The following ADGRB3 variants were observed in gnomAD, a reference collection of about 807,000 sequenced individuals.
The protein encoded by ADGRB3 is brain-specific angiogenesis inhibitor 3.
Under a neutral mutation model 193.4 loss-of-function variants are expected in ADGRB3, and 37 were observed. The ratio of observed to expected loss-of-function variants is 0.19; its 90% confidence interval spans 0.15 to 0.25. ADGRB3 has a LOEUF of 0.25. ADGRB3 is among the 10% of genes least tolerant of loss of function. The probability of loss-of-function intolerance (pLI) is 1.00; values close to 1 mark genes in which losing one functional copy is unlikely to be tolerated. For missense variants in ADGRB3, 1,637 were observed against 1,852.9 expected (o/e 0.88, Z 2.14); for synonymous variants, 690 against 644.2 (o/e 1.07, Z -1.08).
chr6:68,769,200 A>G (rs1766568829), intron 3 of ADGRB3, among the ~76,000 whole-genome samples: 1 of 152,236 alleles, frequency 6.6e-6, no homozygotes, highest in Non-Finnish European at 1.5e-5. Flanking sequence ...TATGCACCCA[A>G]AGGATGATAA....
At chr6:69,028,919 C>T (rs1276221177) in intron 13 of ADGRB3, among the ~76,000 whole-genome samples, 1 of 152,106 alleles carries the variant, frequency 6.6e-6, no homozygotes, top group African/African-American at 2.4e-5. Flanking sequence ...ATAGCATGCC[C>T]CAAATTAATG....
chr6:68,883,849 G>C (rs907650955), intron 3 of ADGRB3, among the ~76,000 whole-genome samples: 2 of 152,144 alleles, frequency 1.3e-5, no homozygotes, highest in Admixed American at 6.5e-5. Context: ...TCTGGACACA[G>C]AAATACTGAG....
chr6:68,793,287 A>T (rs1166636304), intron 3 of ADGRB3, among the ~76,000 whole-genome samples: 3 of 152,028 alleles, frequency 2.0e-5, no homozygotes, highest in African/African-American at 4.8e-5. Flanking sequence ...TGTTACTGTA[A>T]CTTAACAAAC....
chr6:68,653,045 G>T (rs1768404149), intron 3 of ADGRB3, among the ~76,000 whole-genome samples: 1 of 152,090 alleles, frequency 6.6e-6, no homozygotes, highest in Admixed American at 6.6e-5. Flanking sequence ...TCTGGCTAAT[G>T]AGTTGTGAGC....
intron 31 of ADGRB3, among the ~76,000 whole-genome samples, chr6:69,385,819 A>G (rs1195024520): frequency 6.6e-6 from 1 of 152,034 alleles, no homozygotes; most frequent in East Asian, 1.9e-4. Flanking sequence ...TTACTTGGAC[A>G]ATTGACAATA....
intron 3 of ADGRB3, among the ~76,000 whole-genome samples, chr6:68,696,078 T>G (rs1765152523): frequency 6.6e-6 from 1 of 152,080 alleles, no homozygotes; most frequent in African/African-American, 2.4e-5. Context: ...TCCATTCGTC[T>G]TCTTGCCTGG....
intron 20 of ADGRB3, among the ~76,000 whole-genome samples, chr6:69,317,527 A>G (rs1283464): frequency 0.081 from 12,290 of 151,464 alleles, 581 homozygotes; most frequent in Non-Finnish European, 0.11. Context: ...TCAACCAACC[A>G]TTCTTTTTCA....
chr6:69,254,383 A>G (rs1042837135), intron 20 of ADGRB3, among the ~76,000 whole-genome samples: 4 of 152,180 alleles, frequency 2.6e-5, no homozygotes, highest in Non-Finnish European at 5.9e-5. Flanking sequence ...TAACACAGTA[A>G]TCGCATGAGC....
At chr6:68,795,306 G>T (rs1245122149) in intron 3 of ADGRB3, among the ~76,000 whole-genome samples, 1 of 152,012 alleles carries the variant, frequency 6.6e-6, no homozygotes, top group East Asian at 1.9e-4. Flanking sequence ...AGTTATCTTT[G>T]ATAAACTATA....
Position 69,022,068 on chromosome 6 carries a change from A to G in ADGRB3, c.2107+3569A>G, listed in dbSNP as rs193152647. Among the ~76,000 whole-genome samples, 13 of 152,002 alleles carry G rather than the reference A, an allele frequency of 8.6e-5. No homozygotes were observed. In the East Asian group the frequency reaches 1.5e-3, roughly 18 times the overall value. ...ATTTAGTTTTCATTTTTAAATATGT[A>G]TATGACATCTAAAATAAACACATGA... On this transcript the variant is annotated intron_variant, in intron 13 of 31. Coordinates refer to ENST00000370598, the MANE Select transcript of ADGRB3 (RefSeq NM_001704.3).
chr6:68,803,408 G>T lies in ADGRB3; in HGVS notation c.758-127151G>T, dbSNP rs564835348. On this transcript the variant is annotated intron_variant, in intron 3 of 31. Transcript: ENST00000370598. ...ACCACTGTTACCTATAATTCAACAG[G>T]CTCACTGAAACCAGCCTGTTAACTG... Among the ~76,000 whole-genome samples, 28 of 152,008 alleles carry T rather than the reference G, an allele frequency of 1.8e-4. No individual in the cohort carries two copies. The South Asian group carries it at 5.8e-3, about 32-fold the overall frequency.
At chr6:69,172,501 A>G (rs1775297691) in intron 17 of ADGRB3, among the ~76,000 whole-genome samples, 2 of 151,668 alleles carry the variant, frequency 1.3e-5, no homozygotes, top group Non-Finnish European at 2.9e-5. Flanking sequence ...AAAATTAGCC[A>G]GGCATGGTGG....
chr6:69,235,152 T>G lies in ADGRB3; in HGVS notation c.2711+17T>G. 6.5e-7 allele frequency: 1 copy of G among 1,538,698 alleles called. No individual in the cohort carries two copies. Among genetic ancestry groups the G allele is most frequent in the Non-Finnish European group, 9.0e-7 (1 of 1,114,276 alleles). On this transcript the variant is annotated intron_variant, in intron 19 of 31. Coordinates refer to ENST00000370598, the MANE Select transcript of ADGRB3 (RefSeq NM_001704.3). ...ATTATGGAGGTAAGTAATCAATTGA[T>G]AGACCTGAAATGCAATGCTTAGTTG...
At chr6:68,869,799 C>T (rs1429496007) in intron 3 of ADGRB3, among the ~76,000 whole-genome samples, 1 of 152,016 alleles carries the variant, frequency 6.6e-6, no homozygotes, top group Admixed American at 6.6e-5. Context: ...GAGACAGAGT[C>T]TCACTCGCTC....
chr6:69,067,423 A>G (rs190778361), intron 16 of ADGRB3, among the ~76,000 whole-genome samples: 1 of 152,310 alleles, frequency 6.6e-6, no homozygotes, highest in African/African-American at 2.4e-5. Flanking sequence ...ATAGTGGAAA[A>G]CACAGTGACA....
At chr6:69,317,022 G>A (rs1378694975) in intron 20 of ADGRB3, among the ~76,000 whole-genome samples, 1 of 151,468 alleles carries the variant, frequency 6.6e-6, no homozygotes, top group Non-Finnish European at 1.5e-5. Context: ...GAGAATAGTG[G>A]TTATCTTTGG....
In ADGRB3 at chr6:69,213,110, T is replaced by A. The variant is rs62406841; in HGVS notation, c.2481-20180T>A. ...TTTATTTTGTGAAGACTGTGAATAC[T>A]TAGCACAAAATTAAAGTGCATGCAC... is the stretch of plus-strand genomic sequence containing the variant. On this transcript the variant is annotated intron_variant, in intron 17 of 31. Coordinates refer to ENST00000370598, the MANE Select transcript of ADGRB3 (RefSeq NM_001704.3). 4.1e-3 allele frequency among the ~76,000 whole-genome samples: 632 copies of A among 152,292 alleles called. 3 individuals carry two copies. Among genetic ancestry groups the A allele is most frequent in the Non-Finnish European group, 7.0e-3 (474 of 67,982 alleles).
chr6:69,041,714 C>A (rs1226679692), intron 13 of ADGRB3, among the ~76,000 whole-genome samples: 1 of 152,056 alleles, frequency 6.6e-6, no homozygotes, highest in South Asian at 2.1e-4. Context: ...AAGGGATCCA[C>A]CCGCCTCAGC....
intron 20 of ADGRB3, among the ~76,000 whole-genome samples, chr6:69,292,894 A>G (rs1198799858): frequency 3.5e-5 from 4 of 114,590 alleles, no homozygotes; most frequent in African/African-American, 6.8e-5. Flanking sequence ...AACAGTCCGC[A>G]GAGTTTGATG....
Sources: gnomAD v4.1 joint callset for allele counts (sites outside exome capture counted in the v4.1 genomes callset) on GRCh38, gnomAD v4.1.1 for gene constraint, MANE v1.5 for transcripts, NCBI Gene and HGNC (gene_info 2026-07-23, HGNC 2026-07-21) for gene names.